GJE1: variants seen among roughly 807,000 people sequenced by gnomAD.
GJE1 encodes the protein gap junction protein epsilon 1, also known as gap junction epsilon-1 protein.
GJE1 carries 9 observed loss-of-function variants against 6.2 expected under a neutral mutation model. That is an observed-to-expected ratio of 1.45 (90% confidence interval 0.87 to 2.52). GJE1 has a LOEUF of 2.52. Among genes scored for constraint, GJE1 ranks in the 30% most tolerant of loss-of-function variants. The probability of loss-of-function intolerance (pLI) is 0.00; values close to 1 mark genes in which losing one functional copy is unlikely to be tolerated. For synonymous variants in GJE1, 65 were observed against 30.1 expected, an observed-to-expected ratio of 2.16 and a Z score of -3.80; for missense variants, 190 against 87.7, an observed-to-expected ratio of 2.17 and a Z score of -4.66.
chr6:142,134,718 T>C, exon 3 of GJE1: 1 of 690,400 alleles, frequency 1.4e-6, no homozygotes, highest in Non-Finnish European at 2.6e-6. Context: ...TTTACCTCTT[T>C]GGTTTCCAAG....
In GJE1 at chr6:142,133,978, CAA is replaced by C; in HGVS notation, c.171_172del (p.Glu59SerfsTer40). On this transcript the variant is annotated frameshift_variant, in exon 2 of 3. Transcript: ENST00000450456. LOFTEE classifies it high-confidence loss of function. ...CCTTGCACTTCATTTGCGATCCAGA[CAA>C]AAGAGAAGTAAACCTCTTCTGTTAC... 1.4e-6 allele frequency: 1 copy of C among 702,514 alleles called. No homozygotes were observed. The highest frequency in any genetic ancestry group is 2.6e-6 in the Non-Finnish European group (1 of 384,666). 43.5% of individuals were successfully genotyped at this position (702,514 alleles called of 1,614,324 possible). A position where few individuals can be genotyped will look rare whatever the true frequency, so the allele number is the denominator to read the frequency against.
chr6:142,134,173 C>T (rs983318620), intron 2 of GJE1, 129 bp downstream of exon 2: 2 of 488,018 alleles, frequency 4.1e-6, no homozygotes, highest in East Asian at 6.0e-5. Context: ...CTTTAATTAG[C>T]TGTATATTTC....
chr6:142,134,789 T>C (rs1778219268), exon 3 of GJE1: 1 of 691,730 alleles, frequency 1.4e-6, no homozygotes, highest in Non-Finnish European at 2.6e-6. Flanking sequence ...ATAAGATGCA[T>C]GGTTCCAGAA....
chr6:142,134,429 T>A, intron 2 of GJE1, 110 bp from the exon 3 acceptor site: 1 of 443,440 alleles, frequency 2.3e-6, no homozygotes, highest in Non-Finnish European at 4.0e-6. Context: ...AAACTTGGAA[T>A]TTTTAAATTA....
upstream of GJE1, among the ~76,000 whole-genome samples, chr6:142,132,927 C>T (rs1043571665): frequency 6.6e-6 from 1 of 152,108 alleles, no homozygotes; most frequent in East Asian, 1.9e-4. Context: ...TGGCCACATG[C>T]TCTCTGCTTT....
At chr6:142,133,187 A>G (rs1384898644) in exon 1 of GJE1, 2 of 687,486 alleles carry the variant, frequency 2.9e-6, no homozygotes, top group Non-Finnish European at 5.3e-6. Context: ...AAAAACTTCT[A>G]TGAAGGATGT....
upstream of GJE1, chr6:142,133,067 G>C: frequency 3.5e-6 from 2 of 570,010 alleles, no homozygotes; most frequent in Non-Finnish European, 6.4e-6. Context: ...AGAGTCCTGA[G>C]AGAATGTAAG....
At chr6:142,134,301 T>C (rs1157752631) in intron 2 of GJE1, among the ~76,000 whole-genome samples, 1 of 152,188 alleles carries the variant, frequency 6.6e-6, no homozygotes, top group Non-Finnish European at 1.5e-5. Context: ...TAAAATAAAC[T>C]ACTTCATCAT....
chr6:142,134,001 G>C (rs978699166), exon 2 of GJE1: 2 of 702,136 alleles, frequency 2.8e-6, no homozygotes, highest in African/African-American at 3.5e-5. Flanking sequence ...AACCTCTTCT[G>C]TTACAATCAG....
chr6:142,133,605 A>G (rs1169301941), intron 1 of GJE1, among the ~76,000 whole-genome samples: 2 of 152,194 alleles, frequency 1.3e-5, no homozygotes, highest in Non-Finnish European at 2.9e-5. Flanking sequence ...TCAAAGCTGT[A>G]TAAATATTTC....
chr6:142,134,484 A>C (rs1423038608), intron 2 of GJE1, 55 bp from the exon 3 acceptor site: 18 of 472,570 alleles, frequency 3.8e-5, no homozygotes, highest in Non-Finnish European at 6.3e-5. Context: ...TATTTTAGTT[A>C]CATATTGATT....
chr6:142,134,585 T>A, exon 3 of GJE1: 1 of 648,382 alleles, frequency 1.5e-6, no homozygotes. Context: ...CTTTTCCACC[T>A]TTATGCTGCA....
exon 3 of GJE1, chr6:142,134,596 T>C (rs991254852): frequency 1.2e-5 from 8 of 663,582 alleles, no homozygotes; most frequent in Non-Finnish European, 1.9e-5. Flanking sequence ...TTATGCTGCA[T>C]GTAAAAGCAT....
exon 2 of GJE1, chr6:142,134,041 T>G: frequency 1.5e-6 from 1 of 677,074 alleles, no homozygotes; most frequent in East Asian, 2.7e-5. Context: ...AAGTAAGTTT[T>G]TCTGTGTGCA....
exon 3 of GJE1, chr6:142,134,795 C>A (rs544237669): frequency 1.2e-4 from 84 of 683,934 alleles, no homozygotes; most frequent in African/African-American, 1.2e-3. Flanking sequence ...TGCATGGTTC[C>A]AGAACACTTT....
upstream of GJE1, chr6:142,132,974 A>C: frequency 2.4e-6 from 1 of 419,250 alleles, no homozygotes; most frequent in Non-Finnish European, 4.2e-6. Context: ...GGACAGAGAT[A>C]GGAAGGTTGA....
chr6:142,135,059 G>T, exon 3 of GJE1: 1 of 408,778 alleles, frequency 2.4e-6, no homozygotes, highest in Admixed American at 4.1e-5. Flanking sequence ...ATAGTGCCTG[G>T]TTGTAAGGTA....
In GJE1 at chr6:142,133,107, A is replaced by G; in HGVS notation, c.-52A>G. On this transcript the variant is annotated 5_prime_UTR_variant, in exon 1 of 3. An upstream start codon of the reference 5' UTR is lost. Coordinates refer to ENST00000450456, the Ensembl canonical transcript of GJE1. ...TGATTCTGGCAGAAGCAAACTGGCA[A>G]TGTGGGTCAAGAATTAACCAACAGG... The G allele has an allele frequency of 1.6e-6, 1 of 628,746 alleles. No homozygotes were observed. Among genetic ancestry groups the G allele is most frequent in the Non-Finnish European group, 2.9e-6 (1 of 347,584 alleles). The allele number at this position is 628,746 out of a possible 1,614,324, so 38.9% of individuals were successfully genotyped here. A position where few individuals can be genotyped will look rare whatever the true frequency, so the allele number is the denominator to read the frequency against.
intron 1 of GJE1, 50 bp from the exon 2 acceptor site, chr6:142,133,799 TC>T: frequency 7.2e-6 from 4 of 553,934 alleles, no homozygotes; most frequent in Non-Finnish European, 1.3e-5. Flanking sequence ...TTAAATGTCC[TC>T]CTTTAATGTT....
Sources: gnomAD v4.1 joint callset for allele counts (sites outside exome capture counted in the v4.1 genomes callset) on GRCh38, gnomAD v4.1.1 for gene constraint, MANE v1.5 for transcripts, NCBI Gene and HGNC (gene_info 2026-07-23, HGNC 2026-07-21) for gene names.